Variants in CCDC32 observed in about 807,000 individuals in gnomAD.
The protein encoded by CCDC32 is coiled-coil domain-containing protein 32.
Under a neutral mutation model 20.1 loss-of-function variants are expected in CCDC32, and 9 were observed. The observed-to-expected ratio is 0.45, with a 90% CI of 0.27 to 0.78. The LOEUF (loss-of-function observed/expected upper bound fraction) is 0.78. CCDC32 is among the 30% of genes least tolerant of loss of function. The probability of loss-of-function intolerance (pLI) is 0.16; values close to 1 mark genes in which losing one functional copy is unlikely to be tolerated. For synonymous variants in CCDC32, 63 were observed against 79.0 expected, an observed-to-expected ratio of 0.80 and a Z score of 1.07; for missense variants, 204 against 215.5, an observed-to-expected ratio of 0.95 and a Z score of 0.33.
At chr15:40,528,980 G>C (rs1033774209) in intron 3 of CCDC32, among the ~76,000 whole-genome samples, 1 of 152,134 alleles carries the variant, frequency 6.6e-6, no homozygotes, top group African/African-American at 2.4e-5. Flanking sequence ...CTTTCGGTGG[G>C]GACCCAGTAG....
Position 40,553,439 on chromosome 15 carries a change from C to A in CCDC32, c.*532G>T, listed in dbSNP as rs1369484025. Reference sequence around the variant, plus strand: ...CTCCCTGGAGTCCGTATACTTACTACAGATTTGTTAGAGAAGCCCCAGATG... The same window carrying A: ...CTCCCTGGAGTCCGTATACTTACTAAAGATTTGTTAGAGAAGCCCCAGATG... On this transcript the variant is annotated 3_prime_UTR_variant, in exon 4 of 4. Coordinates refer to ENST00000416810, the MANE Select transcript of CCDC32 (RefSeq NM_001080792.4). 4.1e-6 allele frequency: 4 copies of A among 985,892 alleles called. No homozygotes were observed. The highest frequency in any genetic ancestry group is 4.8e-6 in the Non-Finnish European group (4 of 830,322). 61.1% of individuals were successfully genotyped at this position (985,892 alleles called of 1,614,324 possible).
downstream of CCDC32, among the ~76,000 whole-genome samples, chr15:40,533,468 G>A (rs528514418): frequency 6.4e-4 from 98 of 152,138 alleles, no homozygotes; most frequent in Non-Finnish European, 1.1e-3. Context: ...TCCTGCCTCA[G>A]AAGGAGTAGC....
rs188807531 is a variant in CCDC32 at position 40,540,867 on chromosome 15, G to T, written c.402-1512C>A. On this transcript the variant is annotated intron_variant, in intron 3 of 3. Transcript: ENST00000558113. ...AGCGTCCATTGCCCTGGTGCCCTCA[G>T]TCCAGAGAGCCCAGTGAGAAGCTGG... Among the ~76,000 whole-genome samples, 39 of 152,280 alleles carry T rather than the reference G, an allele frequency of 2.6e-4. No individual in the cohort carries two copies. The East Asian group carries it at 6.4e-3, about 25-fold the overall frequency.
downstream of CCDC32, among the ~76,000 whole-genome samples, chr15:40,525,909 A>G (rs531622323): frequency 6.6e-6 from 1 of 151,774 alleles, no homozygotes; most frequent in South Asian, 2.1e-4. Flanking sequence ...TATAAATAAA[A>G]TAGTGTCAAT....
downstream of CCDC32, among the ~76,000 whole-genome samples, chr15:40,530,675 G>A (rs1888848549): frequency 6.7e-6 from 1 of 150,070 alleles, no homozygotes; most frequent in African/African-American, 2.4e-5. Context: ...AGAACCGTAA[G>A]CCAAATAAAC....
intron 3 of CCDC32, among the ~76,000 whole-genome samples, chr15:40,545,486 T>C (rs949598555): frequency 1.4e-5 from 2 of 147,246 alleles, no homozygotes; most frequent in East Asian, 2.0e-4. Flanking sequence ...TAGAGCAATG[T>C]GTGACACAAC....
chr15:40,533,046 G>T (rs797001602), downstream of CCDC32, among the ~76,000 whole-genome samples: 4 of 152,044 alleles, frequency 2.6e-5, no homozygotes, highest in African/African-American at 9.7e-5. Context: ...TCTCCTGTTG[G>T]TGGACATGTA....
chr15:40,557,357 C>T lies in CCDC32; in HGVS notation c.260G>A (p.Arg87Lys). Residue 87 changes from arginine to lysine, a missense_variant, in exon 3 of 4, where the codon AGA becomes AAA. Coordinates refer to ENST00000416810, the MANE Select transcript of CCDC32 (RefSeq NM_001080792.4). ...YLASLEKKLR[R>K]IKGLNQEVTS... is the part of the protein sequence containing the mutation. The stretch of plus-strand genomic sequence containing the variant: ...CACTTCCTGATTTAAACCTTTGATT[C>T]TTCTTAGCTTCTTCTCTAGAGAGAG... 6.2e-7 allele frequency: 1 copy of T among 1,611,328 alleles called. No homozygotes were observed.
At chr15:40,534,808 C>T (rs572240667), downstream of CCDC32, 45 of 684,702 alleles carry the variant, frequency 6.6e-5, no homozygotes, top group South Asian at 5.3e-4. Context: ...TCTCCATATA[C>T]CATCACATCA....
downstream of CCDC32, chr15:40,535,090 C>G: frequency 1.2e-6 from 1 of 839,434 alleles, no homozygotes; most frequent in Non-Finnish European, 2.0e-6. Flanking sequence ...AAGCCAGCGA[C>G]TCCAGGCTCT....
At chr15:40,539,843 CA>C (rs1889305811) in intron 3 of CCDC32, among the ~76,000 whole-genome samples, 1 of 83,484 alleles carries the variant, frequency 1.2e-5, no homozygotes, top group Admixed American at 1.1e-4. Flanking sequence ...ACTGTTGCCA[CA>C]CACACACACA....
intron 3 of CCDC32, among the ~76,000 whole-genome samples, chr15:40,543,489 C>G (rs769476065): frequency 4.6e-5 from 7 of 152,190 alleles, no homozygotes; most frequent in Non-Finnish European, 8.8e-5. Flanking sequence ...GAGTCCCACT[C>G]TGTCGCCCAG....
At chr15:40,561,561 G>T (rs1327261718) in intron 2 of CCDC32, among the ~76,000 whole-genome samples, 1 of 151,986 alleles carries the variant, frequency 6.6e-6, no homozygotes, top group Non-Finnish European at 1.5e-5. Flanking sequence ...GGGAGGTTTG[G>T]AGAGGGGTGA....
At chr15:40,543,178 A>G (rs1483768724) in intron 3 of CCDC32, among the ~76,000 whole-genome samples, 1 of 151,938 alleles carries the variant, frequency 6.6e-6, no homozygotes, top group Admixed American at 6.6e-5. Flanking sequence ...GAGAAAAAAG[A>G]AAAGAAAGAA....
chr15:40,563,924 C>T (rs973883239), intron 1 of CCDC32, among the ~76,000 whole-genome samples: 14 of 152,096 alleles, frequency 9.2e-5, no homozygotes, highest in Middle Eastern at 6.8e-3. Context: ...GGGTTCACGC[C>T]ATTCTCCTGC....
At chr15:40,532,114 G>A (rs1018130251), downstream of CCDC32, 16 of 524,052 alleles carry the variant, frequency 3.1e-5, no homozygotes, top group South Asian at 2.2e-4. Context: ...ATGGGTTCTC[G>A]CTCAAGGTGT....
At chr15:40,526,518 T>C (rs1312429735), downstream of CCDC32, among the ~76,000 whole-genome samples, 1 of 152,198 alleles carries the variant, frequency 6.6e-6, no homozygotes, top group East Asian at 1.9e-4. Flanking sequence ...CATATACTTT[T>C]CCATTACAAG....
In CCDC32 at chr15:40,562,900, A is replaced by G. The variant is rs1890747695; in HGVS notation, c.116T>C (p.Phe39Ser). 1 of 1,614,102 alleles carries G rather than the reference A, an allele frequency of 6.2e-7. No homozygotes were observed. Among genetic ancestry groups the G allele is most frequent in the Non-Finnish European group, 8.5e-7 (1 of 1,180,054 alleles). Residue 39 changes from phenylalanine (F) to serine (S), a missense_variant, in exon 2 of 4, where the codon TTC becomes TCC. Coordinates refer to ENST00000416810, the MANE Select transcript of CCDC32 (RefSeq NM_001080792.4). ...GCAAGAATCCACAAAGGAGTCTGAG[A>G]ATGCATTGTTGGCACCATCTTCTTG... is the stretch of plus-strand genomic sequence containing the variant. ...PEQEDGANNA[F>S]SDSFVDSCPE...
At chr15:40,543,098 T>G (rs1344842893) in intron 3 of CCDC32, among the ~76,000 whole-genome samples, 1 of 150,166 alleles carries the variant, frequency 6.7e-6, no homozygotes, top group African/African-American at 2.5e-5. Context: ...GCTGTGATAA[T>G]GCCACTACAC....
Sources: gnomAD v4.1 joint callset for allele counts (sites outside exome capture counted in the v4.1 genomes callset) on GRCh38, gnomAD v4.1.1 for gene constraint, MANE v1.5 for transcripts, NCBI Gene and HGNC (gene_info 2026-07-23, HGNC 2026-07-21) for gene names.